Variants in TRAPPC9 observed in about 807,000 individuals in gnomAD.
TRAPPC9 encodes trafficking protein particle complex subunit 9, also known as IKK2 binding protein.
TRAPPC9 carries 83 observed loss-of-function variants against 124.0 expected under a neutral mutation model. The ratio of observed to expected loss-of-function variants is 0.67; its 90% CI spans 0.56 to 0.80. The LOEUF is 0.80. Ranked by LOEUF, TRAPPC9 falls within the 30% of genes least tolerant of loss-of-function variation. The pLI is 0.00. For missense variants in TRAPPC9, 1,302 were observed against 1,508.3 expected (o/e 0.86, Z 2.27); for synonymous variants, 638 against 617.5 (o/e 1.03, Z -0.49).
intron 21 of TRAPPC9, among the ~76,000 whole-genome samples, chr8:139,754,972 CT>C (rs1352912128): frequency 6.6e-6 from 1 of 152,256 alleles, no homozygotes; most frequent in Non-Finnish European, 1.5e-5. Flanking sequence ...GCACACGGAG[CT>C]GTCACTGCCA....
intron 16 of TRAPPC9, among the ~76,000 whole-genome samples, chr8:140,237,612 A>G (rs758428688): frequency 6.6e-6 from 1 of 152,060 alleles, no homozygotes; most frequent in Non-Finnish European, 1.5e-5. Flanking sequence ...AGTAAATATG[A>G]GAGCACGGTG....
intron 17 of TRAPPC9, among the ~76,000 whole-genome samples, chr8:140,219,917 C>A (rs762913350): frequency 6.6e-6 from 1 of 152,176 alleles, no homozygotes; most frequent in Non-Finnish European, 1.5e-5. Context: ...CCCCAAGGCA[C>A]GTGCAGATCC....
At chr8:139,944,023 T>C (rs961398043) in intron 19 of TRAPPC9, among the ~76,000 whole-genome samples, 5 of 152,170 alleles carry the variant, frequency 3.3e-5, no homozygotes, top group Non-Finnish European at 4.4e-5. Context: ...GTATTTCCCC[T>C]AATTTGGTGA....
At chr8:139,971,738 C>T (rs201743380) in intron 19 of TRAPPC9, among the ~76,000 whole-genome samples, 59 of 38,440 alleles carry the variant, frequency 1.5e-3, no homozygotes, top group African/African-American at 5.7e-3. Context: ...CACACACACA[C>T]ATATATATAT....
chr8:140,163,570 G>A (rs1587838171), intron 17 of TRAPPC9, among the ~76,000 whole-genome samples: 1 of 152,208 alleles, frequency 6.6e-6, no homozygotes, highest in African/African-American at 2.4e-5. Context: ...AGGGTGGCGG[G>A]CAGATGGACC....
chr8:140,063,042 G>C lies in TRAPPC9; in HGVS notation c.2557-38963C>G, dbSNP rs1053835457. Among the ~76,000 whole-genome samples, 1 of 152,072 alleles carries C rather than the reference G, an allele frequency of 6.6e-6. No homozygotes were observed. Among genetic ancestry groups the C allele is most frequent in the Non-Finnish European group, 1.5e-5 (1 of 68,012 alleles). On this transcript the variant is annotated intron_variant, in intron 17 of 22. Coordinates refer to ENST00000438773, the MANE Select transcript of TRAPPC9 (RefSeq NM_001160372.4). The surrounding 1 kb of genome is among the most constrained non-coding windows in gnomAD (Gnocchi z 4.3). Reference sequence around the variant, plus strand: ...AAGCAAGGGACCTTCTTCAGAAGGCGGCAGGAAGGAGAAGTGAATGCAGGA... The same window carrying C: ...AAGCAAGGGACCTTCTTCAGAAGGCCGCAGGAAGGAGAAGTGAATGCAGGA...
At chr8:139,786,585 C>T (rs1399392744) in intron 21 of TRAPPC9, among the ~76,000 whole-genome samples, 3 of 152,102 alleles carry the variant, frequency 2.0e-5, no homozygotes, top group Admixed American at 6.5e-5. Flanking sequence ...TGAAAGCACA[C>T]GTCCACACAA....
At chr8:140,347,759 T>C (rs1311327269) in intron 9 of TRAPPC9, among the ~76,000 whole-genome samples, 1 of 152,214 alleles carries the variant, frequency 6.6e-6, no homozygotes, top group African/African-American at 2.4e-5. Flanking sequence ...CTCCTTACCA[T>C]TTTAACAAGT....
At chr8:139,956,459 C>T (rs567656461) in intron 19 of TRAPPC9, among the ~76,000 whole-genome samples, 7 of 152,290 alleles carry the variant, frequency 4.6e-5, no homozygotes, top group African/African-American at 1.7e-4. Context: ...CCGCGCCCGG[C>T]CCATGGGATG....
intron 17 of TRAPPC9, among the ~76,000 whole-genome samples, chr8:140,188,808 C>A (rs891534114): frequency 6.6e-6 from 1 of 152,210 alleles, no homozygotes; most frequent in Non-Finnish European, 1.5e-5. Flanking sequence ...CACAATTTGA[C>A]CACTATCCAC....
chr8:140,435,392 CA>C (rs1263462541), intron 3 of TRAPPC9, 152 bp from the exon 4 acceptor site: 2 of 1,174,080 alleles, frequency 1.7e-6, no homozygotes, highest in African/African-American at 3.1e-5. Context: ...ATTTTTCTCC[CA>C]AAACAAAGAT....
chr8:140,284,102 C>T (rs1253189263), intron 13 of TRAPPC9, 81 bp from the exon 14 acceptor site: 130 of 1,579,576 alleles, frequency 8.2e-5, no homozygotes, highest in Non-Finnish European at 1.1e-4. Flanking sequence ...GCGAAGAGTA[C>T]GGGGCTCCTC....
intron 6 of TRAPPC9, among the ~76,000 whole-genome samples, chr8:140,404,631 C>A (rs2069406131): frequency 6.6e-6 from 1 of 152,188 alleles, no homozygotes; most frequent in Non-Finnish European, 1.5e-5. Context: ...TGCAGAATAA[C>A]ATACTATGAT....
intron 17 of TRAPPC9, among the ~76,000 whole-genome samples, chr8:140,150,637 C>T (rs2061529968): frequency 6.6e-6 from 1 of 152,102 alleles, no homozygotes; most frequent in East Asian, 1.9e-4. Context: ...ATGAGATCAT[C>T]CACGCAGGGA....
intron 2 of TRAPPC9, among the ~76,000 whole-genome samples, chr8:140,449,728 G>A (rs1251180210): frequency 6.6e-6 from 1 of 152,164 alleles, no homozygotes; most frequent in African/African-American, 2.4e-5. Flanking sequence ...CCATCAGGAG[G>A]GAAAAAGTAG....
chr8:139,979,888 T>C (rs982805144), intron 19 of TRAPPC9, among the ~76,000 whole-genome samples: 1 of 152,030 alleles, frequency 6.6e-6, no homozygotes, highest in Admixed American at 6.5e-5. Flanking sequence ...CTGACTCCTC[T>C]CTGCCAGCTG....
intron 21 of TRAPPC9, among the ~76,000 whole-genome samples, chr8:139,823,466 A>G (rs1825395421): frequency 1.3e-5 from 2 of 152,160 alleles, no homozygotes; most frequent in African/African-American, 2.4e-5. Flanking sequence ...ACATGCCACA[A>G]AGAGCTTGAA....
At chr8:139,798,583 G>A (rs1823261209) in intron 21 of TRAPPC9, among the ~76,000 whole-genome samples, 1 of 152,156 alleles carries the variant, frequency 6.6e-6, no homozygotes, top group Admixed American at 6.5e-5. Flanking sequence ...ACAGGGTGTG[G>A]CCCAAGGTGT....
chr8:140,183,657 G>A (rs562731090), intron 17 of TRAPPC9, among the ~76,000 whole-genome samples: 4 of 151,830 alleles, frequency 2.6e-5, no homozygotes, highest in South Asian at 2.1e-4. Context: ...TCAGGGGTTC[G>A]AGACCAGCCT....
Sources: gnomAD v4.1 joint callset for allele counts (sites outside exome capture counted in the v4.1 genomes callset) on GRCh38, gnomAD v4.1.1 for gene constraint, Gnocchi (gnomAD v3.1) non-coding constraint, MANE v1.5 for transcripts, NCBI Gene and HGNC (gene_info 2026-07-23, HGNC 2026-07-21) for gene names.